The following STK4 variants were observed in gnomAD, a reference collection of about 807,000 sequenced individuals.
STK4 encodes serine/threonine-protein kinase 4.
In STK4, 30 loss-of-function variants were observed where a neutral mutation model predicts 64.9. The ratio of observed to expected loss-of-function variants is 0.46; its 90% CI spans 0.35 to 0.63. STK4 has a LOEUF of 0.63. Ranked by LOEUF, STK4 falls within the 20% of genes least tolerant of loss-of-function variation. The pLI, the probability that STK4 is intolerant of heterozygous loss-of-function variation, is 0.01. For missense variants in STK4, 466 were observed against 598.5 expected (o/e 0.78, Z 2.31); for synonymous variants, 177 against 199.0 (o/e 0.89, Z 0.93).
At chr20:45,057,324 G>T (rs1351136999) in intron 10 of STK4, among the ~76,000 whole-genome samples, 1 of 152,166 alleles carries the variant, frequency 6.6e-6, no homozygotes, top group Non-Finnish European at 1.5e-5. Context: ...GCATCTAGAA[G>T]GGTGCACTTG....
At chr20:45,044,562 G>A (rs2068663680) in intron 10 of STK4, among the ~76,000 whole-genome samples, 1 of 152,150 alleles carries the variant, frequency 6.6e-6, no homozygotes, top group South Asian at 2.1e-4. Context: ...GTTGAGGTGG[G>A]AGGCTTGCTT....
intron 10 of STK4, among the ~76,000 whole-genome samples, chr20:45,062,939 C>T (rs1349788227): frequency 3.7e-4 from 55 of 147,158 alleles, no homozygotes; most frequent in African/African-American, 1.3e-3. Flanking sequence ...ATCCGCCCGC[C>T]TCGGCCTCCC....
chr20:45,020,464 G>GTA (rs1568727952), intron 9 of STK4, among the ~76,000 whole-genome samples: 149 of 94,528 alleles, frequency 1.6e-3, no homozygotes, highest in South Asian at 7.1e-3. Context: ...GTGTGTGTGT[G>GTA]TGTATGTTTA....
At chr20:44,989,881 A>T (rs6103950) in intron 5 of STK4, among the ~76,000 whole-genome samples, 1 of 152,060 alleles carries the variant, frequency 6.6e-6, no homozygotes, top group Admixed American at 6.6e-5. Flanking sequence ...TATGCCTTCA[A>T]TTCTATTCCA....
At chr20:45,042,036 A>G (rs1337492691) in intron 10 of STK4, among the ~76,000 whole-genome samples, 5 of 152,236 alleles carry the variant, frequency 3.3e-5, no homozygotes, top group Non-Finnish European at 5.9e-5. Flanking sequence ...CTGTAACTTC[A>G]GTGTTGTTTA....
chr20:44,984,565 C>T (rs1463999977), intron 4 of STK4, among the ~76,000 whole-genome samples: 3 of 151,998 alleles, frequency 2.0e-5, no homozygotes, highest in Non-Finnish European at 2.9e-5. Context: ...CCCTGTCCAC[C>T]GTGATATCCA....
In STK4 at chr20:45,076,357, C is replaced by G. The variant is rs557328863; in HGVS notation, c.*1181C>G. ...GTGTAGAGAGGGGAATGGCCAAAAT[C>G]ACAAAGCAAGTTAGCGTTAAGAGCT... On this transcript the variant is annotated 3_prime_UTR_variant, in exon 11 of 11. Coordinates refer to ENST00000372806, the MANE Select transcript of STK4 (RefSeq NM_006282.5). The surrounding 1 kb of genome is among the most constrained non-coding windows in gnomAD (Gnocchi z 4.0). The G allele has an allele frequency of 3.3e-5, 5 of 152,468 alleles. No individual in the cohort carries two copies. The highest frequency in any genetic ancestry group is 4.1e-4 in the South Asian group (2 of 4,828). The allele number at this position is 152,468 out of a possible 1,614,324, so 9.4% of individuals were successfully genotyped here.
At chr20:44,978,081 T>G (rs988199772) in intron 2 of STK4, among the ~76,000 whole-genome samples, 1 of 152,222 alleles carries the variant, frequency 6.6e-6, no homozygotes, top group African/African-American at 2.4e-5. Flanking sequence ...CTTTGAACCT[T>G]TTTACATTTA....
chr20:45,044,604 G>A lies in STK4; in HGVS notation c.1305+19474G>A, dbSNP rs113815296. Among the ~76,000 whole-genome samples the A allele has an allele frequency of 3.6e-3, 553 of 152,180 alleles. 3 individuals carry two copies. Among genetic ancestry groups the A allele is most frequent in the African/African-American group, 0.013 (527 of 41,500 alleles). ...GGGAGTATATGGTTTGCAGTGAGCC[G>A]TGATTGTGCCACTACACTCCAGTCT... is the stretch of plus-strand genomic sequence containing the variant. On this transcript the variant is annotated intron_variant, in intron 10 of 10. Transcript: ENST00000372806.
intron 9 of STK4, among the ~76,000 whole-genome samples, chr20:45,024,476 T>C (rs547093197): frequency 5.3e-5 from 8 of 152,184 alleles, no homozygotes; most frequent in Non-Finnish European, 1.2e-4. Context: ...ATGTTTTCTT[T>C]TTCATGTATG....
intron 10 of STK4, among the ~76,000 whole-genome samples, chr20:45,055,394 C>T (rs1382346288): frequency 6.6e-6 from 1 of 152,138 alleles, no homozygotes; most frequent in South Asian, 2.1e-4. Context: ...ATTTCATGCA[C>T]ATTTAAAAAT....
At chr20:45,061,486 C>T (rs1328141845) in intron 10 of STK4, among the ~76,000 whole-genome samples, 1 of 152,102 alleles carries the variant, frequency 6.6e-6, no homozygotes, top group Non-Finnish European at 1.5e-5. Context: ...CATATCCACT[C>T]GGTTGCACCC....
intron 1 of STK4, among the ~76,000 whole-genome samples, chr20:44,971,848 T>C (rs1360213800): frequency 2.0e-5 from 3 of 151,956 alleles, no homozygotes; most frequent in Non-Finnish European, 2.9e-5. Context: ...TTTTTTTGTA[T>C]TTTTAGTGGA....
chr20:45,022,057 A>ATT (rs35729576), intron 9 of STK4, among the ~76,000 whole-genome samples: 3 of 151,092 alleles, frequency 2.0e-5, no homozygotes, highest in Non-Finnish European at 4.4e-5. Context: ...ATTACTTTCC[A>ATT]TTTTTTTTTA....
chr20:44,984,959 A>G (rs536247265), intron 4 of STK4, among the ~76,000 whole-genome samples: 36 of 151,952 alleles, frequency 2.4e-4, no homozygotes, highest in Non-Finnish European at 4.3e-4. Flanking sequence ...TCCTTTTTCA[A>G]TGTGGCTACT....
chr20:45,030,165 GAC>G (rs2068418833), intron 10 of STK4, among the ~76,000 whole-genome samples: 1 of 149,572 alleles, frequency 6.7e-6, no homozygotes, highest in South Asian at 2.2e-4. Context: ...GTGCAGTGGT[GAC>G]ATGATCTCAG....
intron 10 of STK4, among the ~76,000 whole-genome samples, chr20:45,029,434 C>CT (rs2068408052): frequency 6.6e-6 from 1 of 152,128 alleles, no homozygotes; most frequent in South Asian, 2.1e-4. Context: ...AGATAATTTA[C>CT]TTAATAAAAG....
chr20:45,036,837 A>G (rs1169671159), intron 10 of STK4, among the ~76,000 whole-genome samples: 1 of 152,194 alleles, frequency 6.6e-6, no homozygotes, highest in African/African-American at 2.4e-5. Flanking sequence ...TACCATCCAC[A>G]GTTTCAGGCA....
intron 10 of STK4, among the ~76,000 whole-genome samples, chr20:45,054,488 G>A (rs377042546): frequency 1.0e-3 from 146 of 143,414 alleles, no homozygotes; most frequent in African/African-American, 4.0e-3. Context: ...ACTTGAACCC[G>A]GAGTTTGAGG....
Sources: gnomAD v4.1 joint callset for allele counts (sites outside exome capture counted in the v4.1 genomes callset) on GRCh38, gnomAD v4.1.1 for gene constraint, Gnocchi (gnomAD v3.1) non-coding constraint, MANE v1.5 for transcripts, NCBI Gene and HGNC (gene_info 2026-07-23, HGNC 2026-07-21) for gene names.